Variants in DOCK1 observed in about 807,000 individuals in gnomAD.
DOCK1 encodes dedicator of cytokinesis protein 1.
A neutral mutation model predicts 262.7 loss-of-function variants in DOCK1; 138 were observed. That is an observed-to-expected ratio of 0.53 (90% CI 0.46 to 0.61). DOCK1 has a LOEUF of 0.61. Among genes scored for constraint, DOCK1 ranks in the 20% least tolerant of loss-of-function variants. The pLI is 0.00. For synonymous variants in DOCK1, 866 were observed against 867.4 expected (o/e 1.00, Z 0.03); for missense variants, 1,908 against 2,370.7 (o/e 0.80, Z 4.05).
intron 10 of DOCK1, among the ~76,000 whole-genome samples, chr10:127,006,741 G>A (rs1176703667): frequency 6.6e-6 from 1 of 152,158 alleles, no homozygotes; most frequent in Non-Finnish European, 1.5e-5. Flanking sequence ...TCCTGCACAT[G>A]GTCCTGTGTT....
intron 29 of DOCK1, among the ~76,000 whole-genome samples, chr10:127,289,195 T>C (rs1317433521): frequency 6.6e-6 from 1 of 152,206 alleles, no homozygotes; most frequent in Non-Finnish European, 1.5e-5. Context: ...CATACTTGTA[T>C]TCCCATCCCT....
intron 16 of DOCK1, 28 bp downstream of exon 16, chr10:127,026,452 A>C: frequency 9.0e-6 from 14 of 1,557,710 alleles, no homozygotes; most frequent in Non-Finnish European, 1.2e-5. Context: ...TTCTTCCCCC[A>C]AGTATTTTTA....
At chr10:127,360,334 A>G (rs11017549) in intron 32 of DOCK1, among the ~76,000 whole-genome samples, 32,937 of 152,036 alleles carry the variant, frequency 0.22, 3,821 homozygotes, top group Middle Eastern at 0.35. Flanking sequence ...GGCTGGGGTG[A>G]GCACAATGGC....
intron 29 of DOCK1, among the ~76,000 whole-genome samples, chr10:127,267,318 T>G (rs1012688496): frequency 2.6e-5 from 4 of 152,228 alleles, no homozygotes; most frequent in Non-Finnish European, 5.9e-5. Context: ...TTCAGATACT[T>G]TCCATAACAG....
intron 29 of DOCK1, among the ~76,000 whole-genome samples, chr10:127,286,544 A>G (rs1169564986): frequency 6.6e-6 from 1 of 152,158 alleles, no homozygotes; most frequent in Non-Finnish European, 1.5e-5. Flanking sequence ...TGTTTTAACC[A>G]TCGTTCACCT....
intron 38 of DOCK1, among the ~76,000 whole-genome samples, chr10:127,386,773 C>A (rs539156753): frequency 1.3e-5 from 2 of 152,164 alleles, no homozygotes; most frequent in Non-Finnish European, 2.9e-5. Context: ...CCATCCCCCA[C>A]CCCGGTCCAT....
chr10:126,963,636 T>TTCCCTTCCCG (rs2037430970), intron 1 of DOCK1, among the ~76,000 whole-genome samples: 1 of 77,654 alleles, frequency 1.3e-5, no homozygotes, highest in Non-Finnish European at 2.4e-5. Flanking sequence ...TTCCCTTCCC[T>TTCCCTTCCCG]TCCCTCCTTC....
At chr10:127,130,894 G>T (rs1359423377) in intron 27 of DOCK1, among the ~76,000 whole-genome samples, 4 of 152,168 alleles carry the variant, frequency 2.6e-5, no homozygotes, top group Non-Finnish European at 4.4e-5. Context: ...GTCATCGAAA[G>T]GACTGAGCTG....
intron 38 of DOCK1, among the ~76,000 whole-genome samples, chr10:127,385,718 C>T (rs934473162): frequency 6.6e-6 from 1 of 152,220 alleles, no homozygotes; most frequent in Non-Finnish European, 1.5e-5. Context: ...TGGCCGCCCC[C>T]TCTGAAGGCT....
At chr10:127,168,729 C>T (rs1187959527) in intron 27 of DOCK1, among the ~76,000 whole-genome samples, 1 of 152,220 alleles carries the variant, frequency 6.6e-6, no homozygotes, top group Non-Finnish European at 1.5e-5. Context: ...GCCCAGCTTT[C>T]CCCTTGGCTC....
At chr10:127,320,803 C>A (rs569735402) in intron 29 of DOCK1, among the ~76,000 whole-genome samples, 1 of 152,134 alleles carries the variant, frequency 6.6e-6, no homozygotes, top group African/African-American at 2.4e-5. Context: ...AACCCTGGAT[C>A]TGGGGCTCCG....
intron 43 of DOCK1, among the ~76,000 whole-genome samples, chr10:127,411,796 C>T (rs1349622874): frequency 6.6e-6 from 1 of 152,040 alleles, no homozygotes; most frequent in Non-Finnish European, 1.5e-5. Context: ...GCCAAGATCG[C>T]TCCATTGCAC....
chr10:127,440,199 C>T (rs969506427), intron 49 of DOCK1, among the ~76,000 whole-genome samples: 7 of 151,668 alleles, frequency 4.6e-5, no homozygotes, highest in Non-Finnish European at 7.4e-5. Context: ...TTTTAAATAA[C>T]TAGGTCTCAC....
chr10:127,051,422 T>C (rs1302352732), intron 21 of DOCK1, among the ~76,000 whole-genome samples: 2 of 152,300 alleles, frequency 1.3e-5, no homozygotes, highest in African/African-American at 4.8e-5. Context: ...TGAAAGACCA[T>C]TTGTAAATTT....
intron 1 of DOCK1, among the ~76,000 whole-genome samples, chr10:126,950,203 C>G (rs1339986935): frequency 2.0e-5 from 3 of 152,090 alleles, no homozygotes; most frequent in African/African-American, 4.8e-5. Context: ...CTCATTACAG[C>G]TTTTCCTAGT....
intron 23 of DOCK1, among the ~76,000 whole-genome samples, chr10:127,095,661 C>CTGTGTGTGGGTGTGTGTGTG (rs2047862801): frequency 6.8e-6 from 1 of 148,100 alleles, no homozygotes; most frequent in African/African-American, 2.5e-5. Context: ...GGCCAGGAAG[C>CTGTGTGTGGGTGTGTGTGTG]TGTGTGTGTG....
At chr10:127,282,739 C>T (rs903217542) in intron 29 of DOCK1, among the ~76,000 whole-genome samples, 1 of 152,238 alleles carries the variant, frequency 6.6e-6, no homozygotes, top group South Asian at 2.1e-4. Flanking sequence ...TGCATATTCT[C>T]CTCCCTCAGT....
chr10:127,210,654 C>A (rs762339748), intron 27 of DOCK1, among the ~76,000 whole-genome samples: 1 of 152,170 alleles, frequency 6.6e-6, no homozygotes, highest in Non-Finnish European at 1.5e-5. Context: ...CCATGGACTG[C>A]ATGGGTGCCA....
intron 32 of DOCK1, among the ~76,000 whole-genome samples, chr10:127,361,083 G>A (rs1043551022): frequency 6.1e-5 from 9 of 148,548 alleles, no homozygotes; most frequent in African/African-American, 2.2e-4. Flanking sequence ...CAAGATAGGT[G>A]AAATGAGATT....
Sources: allele counts gnomAD v4.1 joint callset (sites outside exome capture counted in the v4.1 genomes callset), GRCh38; gene constraint gnomAD v4.1.1; transcripts MANE v1.5; gene names NCBI Gene and HGNC (gene_info 2026-07-23, HGNC 2026-07-21).